The following PPFIA2 variants were observed in gnomAD, a reference collection of about 807,000 sequenced individuals.
The protein encoded by PPFIA2 is PPFI scaffold protein A2.
Under a neutral mutation model 175.5 loss-of-function variants are expected in PPFIA2, and 46 were observed. That is an observed-to-expected ratio of 0.26 (90% CI 0.21 to 0.34). The LOEUF (loss-of-function observed/expected upper bound fraction) is 0.34, where lower values mean the gene tolerates loss of function less well. PPFIA2 is among the 10% of genes least tolerant of loss of function. PPFIA2 has a pLI of 1.00. For missense variants in PPFIA2, 1,179 were observed against 1,506.1 expected (o/e 0.78, Z 3.60); for synonymous variants, 568 against 511.4 (o/e 1.11, Z -1.49).
intron 3 of PPFIA2, among the ~76,000 whole-genome samples, chr12:81,727,471 A>G (rs971299840): frequency 1.3e-5 from 2 of 151,318 alleles, no homozygotes; most frequent in Non-Finnish European, 3.0e-5. Context: ...ACATAGTTCA[A>G]GTATTTCTCC....
chr12:81,356,256 T>C (rs2060833253), intron 16 of PPFIA2, among the ~76,000 whole-genome samples: 1 of 152,214 alleles, frequency 6.6e-6, no homozygotes, highest in Admixed American at 6.5e-5. Context: ...TTAACTTCAC[T>C]ATCTTATATT....
intron 8 of PPFIA2, among the ~76,000 whole-genome samples, chr12:81,400,865 A>G (rs2041987597): frequency 6.6e-6 from 1 of 152,170 alleles, no homozygotes; most frequent in Admixed American, 6.6e-5. Flanking sequence ...CATTTGTTGT[A>G]TGGTCATTGA....
chr12:81,613,999 T>A (rs759535342), intron 4 of PPFIA2, among the ~76,000 whole-genome samples: 146 of 152,260 alleles, frequency 9.6e-4, no homozygotes, highest in South Asian at 1.0e-3. Context: ...GGTGACTGAA[T>A]GAACAAGCAA....
At chr12:81,524,208 A>G (rs1483813631) in intron 4 of PPFIA2, among the ~76,000 whole-genome samples, 1 of 152,146 alleles carries the variant, frequency 6.6e-6, no homozygotes, top group Non-Finnish European at 1.5e-5. Context: ...GGTTGGTTCT[A>G]CCCTCAAGAC....
chr12:81,471,771 T>C (rs1022127772), intron 4 of PPFIA2, among the ~76,000 whole-genome samples: 4 of 152,160 alleles, frequency 2.6e-5, no homozygotes, highest in Non-Finnish European at 4.4e-5. Context: ...CAACAGTGAA[T>C]ATGGGTTTCA....
chr12:81,281,499 G>A, intron 26 of PPFIA2, 49 bp from the exon 27 acceptor site: 1 of 1,295,002 alleles, frequency 7.7e-7, no homozygotes, highest in East Asian at 2.4e-5. Context: ...CAGATAAGAT[G>A]GTAATTGGAT....
At chr12:81,617,229 G>T (rs965778022) in intron 4 of PPFIA2, among the ~76,000 whole-genome samples, 1 of 152,178 alleles carries the variant, frequency 6.6e-6, no homozygotes, top group African/African-American at 2.4e-5. Context: ...TTGCCCAGTA[G>T]ATTGTGTTGA....
intron 4 of PPFIA2, among the ~76,000 whole-genome samples, chr12:81,496,651 T>A (rs926874397): frequency 3.9e-5 from 6 of 152,184 alleles, no homozygotes; most frequent in African/African-American, 1.4e-4. Flanking sequence ...GCATACTCTG[T>A]CAGCTTTAAT....
intron 9 of PPFIA2, among the ~76,000 whole-genome samples, chr12:81,380,167 C>A (rs1181425172): frequency 1.3e-5 from 2 of 152,054 alleles, no homozygotes; most frequent in African/African-American, 4.8e-5. Flanking sequence ...GAATTTGAGA[C>A]CAGCCTAAGC....
chr12:81,559,039 G>A (rs990262333), intron 4 of PPFIA2, among the ~76,000 whole-genome samples: 2 of 152,098 alleles, frequency 1.3e-5, no homozygotes, highest in African/African-American at 2.4e-5. Flanking sequence ...TAATAGCCCT[G>A]AAAATTAAGA....
chr12:81,500,881 T>C (rs2060527637), intron 4 of PPFIA2, among the ~76,000 whole-genome samples: 1 of 152,230 alleles, frequency 6.6e-6, no homozygotes, highest in Non-Finnish European at 1.5e-5. Context: ...GACTTGCCTC[T>C]TCTGTGTCTG....
At chr12:81,312,113 T>C in intron 22 of PPFIA2, 1 of 1,521,606 alleles carries the variant, frequency 6.6e-7, no homozygotes, top group Non-Finnish European at 8.8e-7. Context: ...AAAAAAAAGA[T>C]GGCGCTGAAA....
chr12:81,711,220 T>A (rs963072382), intron 3 of PPFIA2, among the ~76,000 whole-genome samples: 1 of 151,206 alleles, frequency 6.6e-6, no homozygotes, highest in Non-Finnish European at 1.5e-5. Flanking sequence ...AGAGTGAGAT[T>A]CTGTCTCAAA....
At chr12:81,404,613 C>G (rs1249608371) in intron 8 of PPFIA2, among the ~76,000 whole-genome samples, 1 of 152,082 alleles carries the variant, frequency 6.6e-6, no homozygotes. Context: ...TTATATTTAG[C>G]TTAAGATTTC....
chr12:81,676,592 T>C (rs993788666), intron 4 of PPFIA2, 199 bp downstream of exon 4: 2 of 354,192 alleles, frequency 5.6e-6, no homozygotes, highest in Non-Finnish European at 1.0e-5. Context: ...TAAATTTTTA[T>C]GAGTTGTTAA....
At chr12:81,445,029 G>T (rs894594194) in intron 6 of PPFIA2, among the ~76,000 whole-genome samples, 2 of 151,986 alleles carry the variant, frequency 1.3e-5, no homozygotes, top group Non-Finnish European at 2.9e-5. Flanking sequence ...ACTTTGTGAT[G>T]TTACATGCAG....
intron 4 of PPFIA2, among the ~76,000 whole-genome samples, chr12:81,578,462 C>T (rs1391304759): frequency 6.6e-6 from 1 of 151,640 alleles, no homozygotes; most frequent in East Asian, 1.9e-4. Context: ...ATTAACACCC[C>T]TCTGCTTAGA....
intron 4 of PPFIA2, among the ~76,000 whole-genome samples, chr12:81,571,649 G>T (rs545964964): frequency 6.6e-6 from 1 of 152,130 alleles, no homozygotes; most frequent in South Asian, 2.1e-4. Flanking sequence ...AACACACAGG[G>T]TACACAAAAT....
At chr12:81,537,357 G>T (rs1369652057) in intron 4 of PPFIA2, among the ~76,000 whole-genome samples, 1 of 151,734 alleles carries the variant, frequency 6.6e-6, no homozygotes, top group East Asian at 1.9e-4. Context: ...GTAAAAAAGA[G>T]ACATAAATAA....
Sources: gnomAD v4.1 joint callset for allele counts (sites outside exome capture counted in the v4.1 genomes callset) on GRCh38, gnomAD v4.1.1 for gene constraint, MANE v1.5 for transcripts, NCBI Gene and HGNC (gene_info 2026-07-23, HGNC 2026-07-21) for gene names.